Variants in IARS1 observed in about 807,000 individuals in gnomAD.
The protein encoded by IARS1 is isoleucine--tRNA ligase, cytoplasmic.
IARS1 carries 124 observed loss-of-function variants against 168.2 expected under a neutral mutation model. That is an observed-to-expected ratio of 0.74 (90% CI 0.64 to 0.86). The LOEUF (loss-of-function observed/expected upper bound fraction) is 0.86. IARS1 is among the 40% of genes least tolerant of loss of function. The pLI is 0.00. For missense variants in IARS1, 1,452 were observed against 1,515.8 expected, an observed-to-expected ratio of 0.96 and a Z score of 0.70; for synonymous variants, 532 against 529.4, an observed-to-expected ratio of 1.00 and a Z score of -0.07.
intron 14 of IARS1, among the ~76,000 whole-genome samples, chr9:92,265,788 C>T (rs1199322707): frequency 2.0e-5 from 3 of 151,942 alleles, no homozygotes; most frequent in Non-Finnish European, 4.4e-5. Flanking sequence ...CTCCCAAGTA[C>T]CTGGGGCTAC....
At position 92,289,290 on chromosome 9, in the gene IARS1, A is replaced by C. The variant is rs747935431; in HGVS notation, c.119+11T>G. On this transcript the variant is annotated intron_variant, in intron 2 of 33. Coordinates refer to ENST00000443024, the MANE Select transcript of IARS1 (RefSeq NM_002161.6). The stretch of plus-strand genomic sequence containing the variant: ...ATTCTTAAGGGAACTTAACCTAAAA[A>C]ATTCACATACTTTGGTTTATGTTTT... 8.7e-7 allele frequency: 1 copy of C among 1,143,354 alleles called. No individual in the cohort carries two copies. The highest frequency in any genetic ancestry group is 1.3e-5 in the South Asian group (1 of 77,778). 70.8% of individuals were successfully genotyped at this position (1,143,354 alleles called of 1,614,324 possible).
intron 17 of IARS1, among the ~76,000 whole-genome samples, 190 bp from the exon 18 acceptor site, chr9:92,260,424 G>C (rs967949169): frequency 1.1e-4 from 16 of 152,198 alleles, no homozygotes; most frequent in Admixed American, 4.6e-4. Flanking sequence ...GGGAGGCTGA[G>C]GCAGGCAGAT....
rs545606856 is a variant in IARS1 at position 92,259,074 on chromosome 9, G to A, written c.1872-76C>T. The A allele has an allele frequency of 2.9e-3, 3,715 of 1,290,998 alleles. 13 individuals carry two copies. The highest frequency in any genetic ancestry group is 9.9e-3 in the South Asian group (613 of 61,832). The allele number at this position is 1,290,998 out of a possible 1,614,324, so 80.0% of individuals were successfully genotyped here. The stretch of plus-strand genomic sequence containing the variant: ...ATTATTACTACTCGACATATTGAGA[G>A]AGCAAGATGAAAATCAGTCCTATTT... On this transcript the variant is annotated intron_variant, in intron 18 of 33. Transcript: ENST00000443024.
rs927809968 is a variant in IARS1 at position 92,287,529 on chromosome 9, GC to G, written c.396+261del. On this transcript the variant is annotated intron_variant, in intron 4 of 33. Transcript: ENST00000443024. ...AAAGTATTTGAGAAAAAAAGAAAAGGCCTATATATCATGTTATACTTATTAG... is the reference window on the plus strand; with the variant it reads ...AAAGTATTTGAGAAAAAAAGAAAAGGCTATATATCATGTTATACTTATTAG... The G allele has an allele frequency of 2.6e-4, 65 of 250,340 alleles. 1 individual carries two copies. The Middle Eastern group carries it at 3.9e-3, about 15-fold the overall frequency. The allele number at this position is 250,340 out of a possible 1,614,324, so 15.5% of individuals were successfully genotyped here.
intron 9 of IARS1, among the ~76,000 whole-genome samples, chr9:92,275,596 T>G (rs2133904595): frequency 6.6e-6 from 1 of 152,354 alleles, no homozygotes; most frequent in South Asian, 2.1e-4. Flanking sequence ...GAATTACATG[T>G]ATACTTAGTT....
intron 1 of IARS1, among the ~76,000 whole-genome samples, chr9:92,292,755 A>T (rs1233257491): frequency 6.6e-6 from 1 of 151,888 alleles, no homozygotes; most frequent in Non-Finnish European, 1.5e-5. Flanking sequence ...TTTCGAGACC[A>T]CCCTCCCTGA....
At chr9:92,257,325 A>G (rs1830864491) in intron 19 of IARS1, among the ~76,000 whole-genome samples, 1 of 152,202 alleles carries the variant, frequency 6.6e-6, no homozygotes, top group African/African-American at 2.4e-5. Context: ...CTCTGGCAGC[A>G]CCACAACCAG....
chr9:92,260,917 C>G (rs72750442), intron 17 of IARS1, among the ~76,000 whole-genome samples: 2 of 152,226 alleles, frequency 1.3e-5, no homozygotes, highest in Non-Finnish European at 2.9e-5. Flanking sequence ...ATCAAACAAA[C>G]CATGGCATAC....
intron 22 of IARS1, chr9:92,251,175 C>A: frequency 2.2e-6 from 1 of 463,910 alleles, no homozygotes; most frequent in Non-Finnish European, 4.3e-6. Flanking sequence ...GGAAAATACC[C>A]CCTGCTTCAC....
chr9:92,251,281 A>G, intron 22 of IARS1: 1 of 403,996 alleles, frequency 2.5e-6, no homozygotes, highest in Non-Finnish European at 5.0e-6. Context: ...TAGGAGCCTT[A>G]TAACATATGG....
rs755771295 is a variant in IARS1, at chr9:92,280,905, T to TGAGGTAAAGTATTGTTTTA, written c.598-31_598-13dup. 7.6e-5 allele frequency: 121 copies of TGAGGTAAAGTATTGTTTTA among 1,593,316 alleles called. No individual in the cohort carries two copies. Among genetic ancestry groups the TGAGGTAAAGTATTGTTTTA allele is most frequent in the Non-Finnish European group, 1.0e-4 (119 of 1,164,288 alleles). ...GGATCTTGAACATCCTGAAATAAAT[T>TGAGGTAAAGTATTGTTTTA]GAGGTAAAGTATTGTTTTAGAAATC... On this transcript the variant is annotated splice_polypyrimidine_tract_variant and intron_variant, in intron 6 of 33. Transcript: ENST00000443024.
chr9:92,285,166 C>T (rs1353905859), intron 6 of IARS1, among the ~76,000 whole-genome samples: 1 of 151,736 alleles, frequency 6.6e-6, no homozygotes, highest in African/African-American at 2.4e-5. Flanking sequence ...AGATGGTTCA[C>T]ATTTCAGAAG....
intron 33 of IARS1, among the ~76,000 whole-genome samples, chr9:92,213,273 C>T (rs924381325): frequency 2.0e-5 from 3 of 152,026 alleles, no homozygotes; most frequent in East Asian, 1.9e-4. Flanking sequence ...ATATACAAAC[C>T]GGGAAGTCCA....
intron 33 of IARS1, among the ~76,000 whole-genome samples, chr9:92,211,906 G>A (rs3780346): frequency 0.55 from 83,936 of 151,902 alleles, 26,025 homozygotes; most frequent in African/African-American, 0.85. Flanking sequence ...GGCCAATGAC[G>A]AAAACTCTGA....
intron 33 of IARS1, among the ~76,000 whole-genome samples, chr9:92,215,214 G>A (rs1166423793): frequency 1.3e-5 from 2 of 152,192 alleles, no homozygotes; most frequent in Admixed American, 6.5e-5. Flanking sequence ...TGAGGGTCCT[G>A]TCTGTCAGAA....
At chr9:92,224,964 G>A (rs189711892) in intron 31 of IARS1, among the ~76,000 whole-genome samples, 210 of 152,114 alleles carry the variant, frequency 1.4e-3, no homozygotes, top group African/African-American at 4.6e-3. Context: ...GAATAACCAC[G>A]GGCTCCACAA....
chr9:92,240,849 C>T lies in IARS1; in HGVS notation c.3283+7G>A. ...AAAGTCACACAAATCATGGAATTTA[C>T]TCTTACCTTGTTCACTGCCATTTGC... is the stretch of plus-strand genomic sequence containing the variant. On this transcript the variant is annotated splice_region_variant and intron_variant, in intron 30 of 33. Coordinates refer to ENST00000443024, the MANE Select transcript of IARS1 (RefSeq NM_002161.6). The T allele has an allele frequency of 6.4e-7, 1 of 1,570,248 alleles. No individual in the cohort carries two copies. Among genetic ancestry groups the T allele is most frequent in the Non-Finnish European group, 8.8e-7 (1 of 1,140,198 alleles).
intron 21 of IARS1, among the ~76,000 whole-genome samples, chr9:92,252,765 A>C (rs1172536749): frequency 2.5e-5 from 1 of 40,092 alleles, no homozygotes; most frequent in African/African-American, 9.2e-5. Flanking sequence ...ACTCCTTCTC[A>C]AAAAAAAAAA....
chr9:92,251,217 G>A (rs1470016361), intron 22 of IARS1: 1 of 460,034 alleles, frequency 2.2e-6, no homozygotes, highest in Admixed American at 2.3e-5. Context: ...GGCATGGAGA[G>A]CACCAGGCAC....
Sources: gnomAD v4.1 joint callset for allele counts (sites outside exome capture counted in the v4.1 genomes callset) on GRCh38, gnomAD v4.1.1 for gene constraint, MANE v1.5 for transcripts, NCBI Gene and HGNC (gene_info 2026-07-23, HGNC 2026-07-21) for gene names.